Variants in ARHGEF37 observed in about 807,000 individuals in gnomAD.
ARHGEF37 encodes Rho guanine nucleotide exchange factor 37.
A neutral mutation model predicts 71.1 loss-of-function variants in ARHGEF37; 55 were observed. The observed-to-expected ratio is 0.77, with a 90% CI of 0.62 to 0.97. ARHGEF37 has a LOEUF of 0.97. Among genes scored for constraint, ARHGEF37 ranks in the 50% least tolerant of loss-of-function variants. The pLI is 0.00. For synonymous variants in ARHGEF37, 327 were observed against 350.6 expected (o/e 0.93, Z 0.75); for missense variants, 765 against 836.8 (o/e 0.91, Z 1.06).
intron 3 of ARHGEF37, among the ~76,000 whole-genome samples, chr5:149,604,617 T>C (rs1211789861): frequency 6.6e-6 from 1 of 151,502 alleles, no homozygotes; most frequent in Non-Finnish European, 1.5e-5. Flanking sequence ...CTATTCCCCT[T>C]CTAGCCCCTA....
At chr5:149,600,781 AAGCACCC>A (rs1763731375) in intron 2 of ARHGEF37, among the ~76,000 whole-genome samples, 1 of 151,866 alleles carries the variant, frequency 6.6e-6, no homozygotes, top group South Asian at 2.1e-4. Context: ...CTGGGATTAC[AAGCACCC>A]ACCACCATGC....
intron 3 of ARHGEF37, among the ~76,000 whole-genome samples, chr5:149,605,087 C>T (rs370784921): frequency 1.5e-4 from 22 of 151,216 alleles, no homozygotes; most frequent in African/African-American, 4.1e-4. Context: ...ATTAGTCGGG[C>T]GTGTTGGTGG....
intron 1 of ARHGEF37, among the ~76,000 whole-genome samples, chr5:149,562,462 T>A (rs61191880): frequency 0.014 from 2,180 of 152,226 alleles, 55 homozygotes; most frequent in African/African-American, 0.05. Context: ...TATTTATTTA[T>A]TTTTGAGACG....
Position 149,616,830 on chromosome 5 carries a change from C to T in ARHGEF37, c.658+64C>T, listed in dbSNP as rs1224236915. 3.4e-6 allele frequency: 5 copies of T among 1,452,108 alleles called. No homozygotes were observed. In the East Asian group the frequency reaches 1.2e-4, roughly 33 times the overall value. The allele number at this position is 1,452,108 out of a possible 1,614,324, so 90.0% of individuals were successfully genotyped here. A position where few individuals can be genotyped will look rare whatever the true frequency, so the allele number is the denominator to read the frequency against. ...ATGCTTCCAGTTACAGAAAATTTAT[C>T]TAAAATCTGCTTCACCAGTAAAGAG... On this transcript the variant is annotated intron_variant, in intron 5 of 12. Coordinates refer to ENST00000333677, the MANE Select transcript of ARHGEF37 (RefSeq NM_001001669.3).
intron 1 of ARHGEF37, among the ~76,000 whole-genome samples, chr5:149,569,330 A>C (rs900251885): frequency 6.7e-6 from 1 of 150,218 alleles, no homozygotes; most frequent in Admixed American, 6.6e-5. Flanking sequence ...ATTTATTTTT[A>C]TTTTTGAGAT....
intron 1 of ARHGEF37, among the ~76,000 whole-genome samples, chr5:149,590,719 C>G (rs370382250): frequency 6.6e-6 from 1 of 151,892 alleles, no homozygotes; most frequent in African/African-American, 2.4e-5. Flanking sequence ...ACCTCAGACT[C>G]CAGAGTAGCT....
In ARHGEF37 at chr5:149,621,715, G is replaced by A. The variant is rs370844005; in HGVS notation, c.1006-18G>A. ...TGCCACCTCCTTTCCCGACTCCCAC[G>A]CTCATGTCTCCCCACAGAAGCAACG... On this transcript the variant is annotated intron_variant, in intron 8 of 12. Transcript: ENST00000333677. 39 of 1,598,854 alleles carry A rather than the reference G, an allele frequency of 2.4e-5. No individual in the cohort carries two copies. The highest frequency in any genetic ancestry group is 9.0e-5 in the South Asian group (8 of 88,890).
chr5:149,629,590 G>T (rs941586962), intron 12 of ARHGEF37, among the ~76,000 whole-genome samples: 3 of 152,168 alleles, frequency 2.0e-5, no homozygotes, highest in African/African-American at 7.2e-5. Context: ...ATGAGGAACC[G>T]AATGAAGCCA....
At chr5:149,627,833 G>A (rs1457005345) in intron 11 of ARHGEF37, among the ~76,000 whole-genome samples, 1 of 152,222 alleles carries the variant, frequency 6.6e-6, no homozygotes, top group Non-Finnish European at 1.5e-5. Context: ...TTCCGAAGAG[G>A]GGTGTGTGAC....
At chr5:149,601,583 G>A (rs531717351) in intron 3 of ARHGEF37, among the ~76,000 whole-genome samples, 1 of 152,342 alleles carries the variant, frequency 6.6e-6, no homozygotes, top group South Asian at 2.1e-4. Flanking sequence ...CAACGAGAGA[G>A]TCTGAGCTTC....
At chr5:149,579,266 C>T (rs182860495), upstream of ARHGEF37, among the ~76,000 whole-genome samples, 332 of 152,240 alleles carry the variant, frequency 2.2e-3, 2 homozygotes, top group African/African-American at 7.5e-3. Flanking sequence ...TGAACTGAGG[C>T]GTTGAGCACT....
intron 1 of ARHGEF37, among the ~76,000 whole-genome samples, chr5:149,584,667 T>G (rs1230651901): frequency 6.6e-6 from 1 of 152,104 alleles, no homozygotes; most frequent in Non-Finnish European, 1.5e-5. Context: ...TGGAGTGCAA[T>G]GGCATGATCT....
At chr5:149,561,753 T>G (rs1762834096) in intron 1 of ARHGEF37, among the ~76,000 whole-genome samples, 2 of 152,362 alleles carry the variant, frequency 1.3e-5, no homozygotes, top group Admixed American at 1.3e-4. Flanking sequence ...AAATTTTCTA[T>G]TTTAATCACA....
chr5:149,613,349 A>ATTT (rs34322237), intron 4 of ARHGEF37, among the ~76,000 whole-genome samples: 2 of 145,180 alleles, frequency 1.4e-5, no homozygotes, highest in Non-Finnish European at 1.5e-5. Context: ...GATAGATAGA[A>ATTT]TTTTTTTTTT....
intron 1 of ARHGEF37, among the ~76,000 whole-genome samples, chr5:149,592,290 T>G (rs1355860331): frequency 6.6e-6 from 1 of 152,226 alleles, no homozygotes; most frequent in Non-Finnish European, 1.5e-5. Flanking sequence ...TTACTATTCT[T>G]TTATACTCAC....
intron 4 of ARHGEF37, 77 bp downstream of exon 4, chr5:149,609,772 T>C: frequency 6.3e-7 from 1 of 1,578,600 alleles, no homozygotes; most frequent in Non-Finnish European, 8.6e-7. Context: ...TCACCCCTTT[T>C]TCATGCCATT....
At chr5:149,569,476 C>T (rs1201897098) in intron 1 of ARHGEF37, among the ~76,000 whole-genome samples, 2 of 151,376 alleles carry the variant, frequency 1.3e-5, no homozygotes, top group East Asian at 1.9e-4. Flanking sequence ...CCTGTCACCA[C>T]GCCCGACTAA....
At chr5:149,562,140 C>T (rs1318608965) in intron 1 of ARHGEF37, among the ~76,000 whole-genome samples, 1 of 152,204 alleles carries the variant, frequency 6.6e-6, no homozygotes, top group Non-Finnish European at 1.5e-5. Context: ...CCATTTCAGC[C>T]TGGCTAAGCC....
chr5:149,571,846 G>A (rs1762969328), intron 1 of ARHGEF37, among the ~76,000 whole-genome samples: 1 of 144,314 alleles, frequency 6.9e-6, no homozygotes, highest in Non-Finnish European at 1.5e-5. Context: ...GATCGAGGCT[G>A]CAGTGAGCTG....
Sources: allele counts gnomAD v4.1 joint callset (sites outside exome capture counted in the v4.1 genomes callset), GRCh38; gene constraint gnomAD v4.1.1; transcripts MANE v1.5; gene names NCBI Gene and HGNC (gene_info 2026-07-23, HGNC 2026-07-21).